EDA: variants seen among roughly 807,000 people sequenced by gnomAD.
The protein encoded by EDA is ectodysplasin A.
EDA carries 2 observed loss-of-function variants against 23.6 expected under a neutral mutation model. The ratio of observed to expected loss-of-function variants is 0.08; its 90% CI spans 0.03 to 0.27. EDA has a LOEUF of 0.27. Ranked by LOEUF, EDA falls within the 10% of genes least tolerant of loss-of-function variation. The probability of loss-of-function intolerance (pLI) is 1.00; values close to 1 mark genes in which losing one functional copy is unlikely to be tolerated. For missense variants in EDA, 229 were observed against 324.2 expected, an observed-to-expected ratio of 0.71 and a Z score of 2.26; for synonymous variants, 131 against 132.0, an observed-to-expected ratio of 0.99 and a Z score of 0.05.
chrX:69,701,349 G>A (rs922431707), intron 1 of EDA, among the ~76,000 whole-genome samples: 5 of 111,292 alleles, frequency 4.5e-5, no homozygotes, highest in Non-Finnish European at 9.4e-5. Flanking sequence ...ATGGCCTGGT[G>A]GGCTTACCTG....
intron 2 of EDA, among the ~76,000 whole-genome samples, chrX:69,993,156 C>G (rs1379851354): frequency 9.3e-6 from 1 of 107,624 alleles, no homozygotes; most frequent in Non-Finnish European, 1.9e-5. Flanking sequence ...CTTAAAAAAC[C>G]CTTAATAAAA....
At chrX:69,989,286 G>A (rs1402827836) in intron 2 of EDA, among the ~76,000 whole-genome samples, 4 of 111,493 alleles carry the variant, frequency 3.6e-5, no homozygotes, top group African/African-American at 1.3e-4. Flanking sequence ...GGGGGTAGCC[G>A]AACTTTCACT....
At chrX:69,699,292 T>G (rs2011467099) in intron 1 of EDA, among the ~76,000 whole-genome samples, 1 of 111,357 alleles carries the variant, frequency 9.0e-6, no homozygotes, top group Non-Finnish European at 1.9e-5. Flanking sequence ...CATACCATGG[T>G]CCTTGTTTTT....
intron 1 of EDA, among the ~76,000 whole-genome samples, chrX:69,785,963 A>G (rs1261110750): frequency 9.0e-6 from 1 of 110,865 alleles, no homozygotes; most frequent in Non-Finnish European, 1.9e-5. Flanking sequence ...TATTGCCGCA[A>G]TTTCAGCTCC....
chrX:69,796,185 G>T (rs1190599693), intron 1 of EDA, among the ~76,000 whole-genome samples: 2 of 111,854 alleles, frequency 1.8e-5, no homozygotes, highest in African/African-American at 6.5e-5. Context: ...CATGTTGGCT[G>T]TCCAGGGGCC....
chrX:69,741,970 C>T (rs1289999091), intron 1 of EDA, among the ~76,000 whole-genome samples: 1 of 112,047 alleles, frequency 8.9e-6, no homozygotes, highest in African/African-American at 3.2e-5. Flanking sequence ...TTCCTGCCCC[C>T]TGGGGAAAAC....
In EDA at chrX:69,921,170, A is replaced by G. The variant is rs180763317; in HGVS notation, c.397-35857A>G. On this transcript the variant is annotated intron_variant, in intron 1 of 7. Transcript: ENST00000374552. ...CTTCTTAACTTGATGGCACTACAAGATGCTACAGGTTCATATGTATATTTC... is the reference window on the plus strand; with the variant it reads ...CTTCTTAACTTGATGGCACTACAAGGTGCTACAGGTTCATATGTATATTTC... Among the ~76,000 whole-genome samples the G allele has an allele frequency of 2.7e-5, 3 of 110,458 alleles. No homozygotes were observed. In the East Asian group the frequency reaches 8.6e-4, roughly 32 times the overall value.
chrX:69,973,452 T>C (rs1054820875), intron 2 of EDA, among the ~76,000 whole-genome samples: 4 of 111,788 alleles, frequency 3.6e-5, no homozygotes, highest in Non-Finnish European at 7.5e-5. Context: ...CAAACAAAGA[T>C]TGTAAAACTA....
chrX:69,855,639 A>G (rs1016108625), intron 1 of EDA, among the ~76,000 whole-genome samples: 2 of 110,819 alleles, frequency 1.8e-5, no homozygotes, highest in Non-Finnish European at 3.8e-5. Context: ...GTGCGGCCTT[A>G]TTTCTGGGTT....
chrX:69,935,654 T>G (rs112319030), intron 1 of EDA, among the ~76,000 whole-genome samples: 2,781 of 111,308 alleles, frequency 0.025, 93 homozygotes, highest in African/African-American at 0.086. Context: ...TTTGCTAATA[T>G]TATTGATTGA....
At chrX:69,880,705 T>A (rs1043378574) in intron 1 of EDA, among the ~76,000 whole-genome samples, 2 of 112,370 alleles carry the variant, frequency 1.8e-5, no homozygotes, top group Non-Finnish European at 3.8e-5. Flanking sequence ...TATATTAGCA[T>A]GGATCATAGT....
At chrX:69,684,842 A>G (rs914863392) in intron 1 of EDA, among the ~76,000 whole-genome samples, 1 of 112,498 alleles carries the variant, frequency 8.9e-6, no homozygotes, top group African/African-American at 3.2e-5. Context: ...TTATTTATTC[A>G]GTGACTGTGG....
chrX:69,750,031 A>T (rs1211702088), intron 1 of EDA, among the ~76,000 whole-genome samples: 2 of 97,028 alleles, frequency 2.1e-5, no homozygotes, highest in African/African-American at 3.9e-5. Flanking sequence ...TTTTTTTATG[A>T]TTATACTTTA....
At chrX:69,999,046 C>G (rs890865619) in intron 2 of EDA, among the ~76,000 whole-genome samples, 19 of 111,618 alleles carry the variant, frequency 1.7e-4, no homozygotes, top group African/African-American at 6.2e-4. Flanking sequence ...CCTTCTGTAC[C>G]TTTGTCTTTC....
chrX:69,741,777 T>A (rs1401829818), intron 1 of EDA, among the ~76,000 whole-genome samples: 2 of 111,953 alleles, frequency 1.8e-5, no homozygotes, highest in East Asian at 5.7e-4. Flanking sequence ...CTCTTACATA[T>A]GTATCTAGCT....
chrX:69,634,633 A>G (rs190255296), intron 1 of EDA, among the ~76,000 whole-genome samples: 7 of 105,584 alleles, frequency 6.6e-5, no homozygotes, highest in African/African-American at 2.1e-4. Context: ...TATTTTTTGA[A>G]CCCTCTCCTC....
intron 1 of EDA, among the ~76,000 whole-genome samples, chrX:69,808,435 T>C (rs1204570627): frequency 9.0e-6 from 1 of 111,581 alleles, no homozygotes; most frequent in African/African-American, 3.3e-5. Flanking sequence ...GTGTTCAGAC[T>C]TTTTGTTGAA....
At chrX:69,749,934 T>C (rs1248574027) in intron 1 of EDA, among the ~76,000 whole-genome samples, 3 of 101,591 alleles carry the variant, frequency 3.0e-5, no homozygotes, top group African/African-American at 7.2e-5. Flanking sequence ...TTTTTTTTTT[T>C]TTTTTTTTTT....
intron 1 of EDA, among the ~76,000 whole-genome samples, chrX:69,619,613 C>T (rs1041500118): frequency 8.9e-5 from 10 of 111,869 alleles, no homozygotes; most frequent in African/African-American, 2.9e-4. Flanking sequence ...TCAGACCTTC[C>T]GTAATCAATC....
Sources: allele counts gnomAD v4.1 joint callset (sites outside exome capture counted in the v4.1 genomes callset), GRCh38; gene constraint gnomAD v4.1.1; transcripts MANE v1.5; gene names NCBI Gene and HGNC (gene_info 2026-07-23, HGNC 2026-07-21).